The following FAM228B variants were observed in gnomAD, a reference collection of about 807,000 sequenced individuals.
FAM228B encodes family with sequence similarity 228 member B, also known as protein FAM228B.
A neutral mutation model predicts 42.6 loss-of-function variants in FAM228B; 38 were observed. The observed-to-expected ratio is 0.89, with a 90% confidence interval of 0.69 to 1.17. FAM228B has a LOEUF of 1.17. Ranked by LOEUF, FAM228B falls within the 50% of genes most tolerant of loss-of-function variation. FAM228B has a pLI of 0.00. For missense variants in FAM228B, 344 were observed against 367.3 expected (o/e 0.94, Z 0.52); for synonymous variants, 109 against 122.3 (o/e 0.89, Z 0.72).
At chr2:24,138,150 C>A in intron 4 of FAM228B, 50 bp downstream of exon 4, 1 of 1,336,900 alleles carries the variant, frequency 7.5e-7, no homozygotes, top group South Asian at 1.4e-5. Context: ...GACCTAATGT[C>A]ATCTTTGTTC....
At chr2:24,146,866 A>G (rs1558390196) in intron 6 of FAM228B, 31 bp downstream of exon 6, 3 of 1,540,726 alleles carry the variant, frequency 1.9e-6, no homozygotes, top group South Asian at 1.2e-5. Context: ...ATGTGATTTC[A>G]TAGCCCAAGA....
intron 4 of FAM228B, among the ~76,000 whole-genome samples, chr2:24,138,813 G>T (rs1396362014): frequency 2.0e-5 from 3 of 151,716 alleles, no homozygotes; most frequent in Admixed American, 1.3e-4. Context: ...AGGCATGGTG[G>T]TGGGTGCCTG....
chr2:24,092,016 G>C (rs901702388), intron 2 of FAM228B, among the ~76,000 whole-genome samples: 1 of 151,848 alleles, frequency 6.6e-6, no homozygotes, highest in Admixed American at 6.6e-5. Context: ...CAGATCACTT[G>C]AACTCAGGAG....
At chr2:24,155,996 T>G (rs995493871) in intron 7 of FAM228B, among the ~76,000 whole-genome samples, 8 of 152,180 alleles carry the variant, frequency 5.3e-5, no homozygotes. Flanking sequence ...CATAGCCTTA[T>G]GTAGAAGGTG....
At chr2:24,149,035 A>G (rs1666961061) in intron 7 of FAM228B, among the ~76,000 whole-genome samples, 1 of 152,234 alleles carries the variant, frequency 6.6e-6, no homozygotes, top group African/African-American at 2.4e-5. Flanking sequence ...AGTTCCATCC[A>G]TATTGTTGCT....
chr2:24,153,198 G>C (rs577360080), intron 7 of FAM228B, among the ~76,000 whole-genome samples: 62 of 152,274 alleles, frequency 4.1e-4, no homozygotes, highest in Non-Finnish European at 6.2e-4. Context: ...CTATGACTGA[G>C]CTGGGACCTA....
At position 24,167,484 on chromosome 2, in the gene FAM228B, C is replaced by G. The variant is rs533160070; in HGVS notation, c.933-143C>G. ...CTCTTCCCCTCACTGTCCATTTAAA[C>G]CTGTTCTGTTGGGGTTGGTTCTTCT... On this transcript the variant is annotated intron_variant, in intron 9 of 10. Transcript: ENST00000615575. 1.4e-4 allele frequency: 132 copies of G among 969,386 alleles called. No individual in the cohort carries two copies. The Admixed American group carries it at 2.0e-3, about 15-fold the overall frequency. 60.0% of individuals were successfully genotyped at this position (969,386 alleles called of 1,614,324 possible). A position where few individuals can be genotyped will look rare whatever the true frequency, so the allele number is the denominator to read the frequency against.
chr2:24,105,354 G>A (rs1309025812), intron 3 of FAM228B, among the ~76,000 whole-genome samples: 1 of 152,170 alleles, frequency 6.6e-6, no homozygotes, highest in Non-Finnish European at 1.5e-5. Flanking sequence ...ACCTAGGAGT[G>A]GACTAGAATT....
chr2:24,082,890 A>G, intron 2 of FAM228B: 2 of 1,605,220 alleles, frequency 1.2e-6, no homozygotes, highest in Non-Finnish European at 1.7e-6. Flanking sequence ...CTCACCCACA[A>G]GATGTAACAG....
intron 1 of FAM228B, among the ~76,000 whole-genome samples, chr2:24,079,958 C>T (rs1202902156): frequency 2.0e-5 from 3 of 152,136 alleles, no homozygotes; most frequent in African/African-American, 7.2e-5. Flanking sequence ...ATACAGGAGG[C>T]CCAACCTAGG....
Position 24,161,601 on chromosome 2 carries a change from C to G in FAM228B, c.782C>G (p.Thr261Arg). The change falls in exon 8 of 11, where the codon ACA (threonine) becomes AGA (arginine). Residue 261 changes from threonine (T) to arginine (R), a missense_variant. Physicochemically the swap from Thr to Arg is moderately conservative, Grantham distance 71 (BLOSUM62 -1). Transcript: ENST00000615575. ...YLLESQEEEK[T>R]VIYKNKGSSF... The stretch of plus-strand genomic sequence containing the variant: ...TTGGAATCCCAGGAAGAAGAAAAAA[C>G]AGTTATTTACAAGTAAGTCTGTTCT... 6.5e-7 allele frequency: 1 copy of G among 1,529,548 alleles called. No homozygotes were observed. The highest frequency in any genetic ancestry group is 8.9e-7 in the Non-Finnish European group (1 of 1,126,928). The allele number at this position is 1,529,548 out of a possible 1,614,324, so 94.7% of individuals were successfully genotyped here.
upstream of FAM228B, chr2:24,121,181 A>G (rs1391293858): frequency 1.2e-6 from 2 of 1,614,146 alleles, no homozygotes; most frequent in African/African-American, 1.3e-5. Context: ...CATAAAGAGA[A>G]TATTCATCTG....
chr2:24,081,646 C>T (rs1665005845), intron 2 of FAM228B, among the ~76,000 whole-genome samples: 2 of 151,780 alleles, frequency 1.3e-5, no homozygotes, highest in Admixed American at 6.6e-5. Flanking sequence ...TCACAATAGT[C>T]ATCCTTCACT....
chr2:24,083,213 C>G (rs1400342416), intron 2 of FAM228B: 4 of 1,488,390 alleles, frequency 2.7e-6, no homozygotes, highest in Non-Finnish European at 3.6e-6. Flanking sequence ...GTCACTACCC[C>G]TGGCCCCCCT....
rs1346072223 is a variant in FAM228B at position 24,077,428 on chromosome 2, C to T, written c.-290+459C>T. 4.1e-6 allele frequency: 4 copies of T among 971,520 alleles called. No homozygotes were observed. Among genetic ancestry groups the T allele is most frequent in the Non-Finnish European group, 5.7e-6 (4 of 707,348 alleles). 60.2% of individuals were successfully genotyped at this position (971,520 alleles called of 1,614,324 possible). A position where few individuals can be genotyped will look rare whatever the true frequency, so the allele number is the denominator to read the frequency against. ...GCCGCGGCGGCCCCAGTCCGCGTGCCACCCTTCCAGTTCACTCTTTATTTC... is the reference window on the plus strand; with the variant it reads ...GCCGCGGCGGCCCCAGTCCGCGTGCTACCCTTCCAGTTCACTCTTTATTTC... On this transcript the variant is annotated intron_variant, in intron 1 of 10. Transcript: ENST00000613899. The surrounding 1 kb of genome is among the most constrained non-coding windows in gnomAD (Gnocchi z 5.5).
chr2:24,138,805 G>C (rs1333612055), intron 4 of FAM228B, among the ~76,000 whole-genome samples: 1 of 151,670 alleles, frequency 6.6e-6, no homozygotes, highest in South Asian at 2.1e-4. Context: ...AATTAGCCAG[G>C]CATGGTGGTG....
At chr2:24,164,667 A>G (rs1212321788) in intron 9 of FAM228B, among the ~76,000 whole-genome samples, 1 of 152,178 alleles carries the variant, frequency 6.6e-6, no homozygotes, top group South Asian at 2.1e-4. Flanking sequence ...TCAGTCCGCC[A>G]TCTCCACCCT....
chr2:24,155,476 T>C (rs2151027680), intron 7 of FAM228B, among the ~76,000 whole-genome samples: 1 of 142,876 alleles, frequency 7.0e-6, no homozygotes, highest in African/African-American at 2.6e-5. Context: ...ACTAAGCAAG[T>C]GTGTGCCAGA....
intron 7 of FAM228B, among the ~76,000 whole-genome samples, chr2:24,154,364 T>C (rs1667086171): frequency 6.6e-6 from 1 of 152,272 alleles, no homozygotes; most frequent in Non-Finnish European, 1.5e-5. Context: ...TCTGTCTTCT[T>C]TGGTGAGGTG....
Sources: gnomAD v4.1 joint callset for allele counts (sites outside exome capture counted in the v4.1 genomes callset) on GRCh38, gnomAD v4.1.1 for gene constraint, Gnocchi (gnomAD v3.1) non-coding constraint, MANE v1.5 for transcripts, NCBI Gene and HGNC (gene_info 2026-07-23, HGNC 2026-07-21) for gene names.